The following RANBP2 variants were observed in gnomAD, a reference collection of about 807,000 sequenced individuals.
RANBP2 encodes RAN binding protein 2, also known as E3 SUMO-protein ligase RanBP2.
RANBP2 carries 57 observed loss-of-function variants against 303.6 expected under a neutral mutation model. That is an observed-to-expected ratio of 0.19 (90% confidence interval 0.15 to 0.23). The LOEUF (loss-of-function observed/expected upper bound fraction) is 0.23, where lower values mean the gene tolerates loss of function less well. Ranked by LOEUF, RANBP2 falls within the 10% of genes least tolerant of loss-of-function variation. The pLI is 1.00. For missense variants in RANBP2, 3,138 were observed against 3,780.8 expected, an observed-to-expected ratio of 0.83 and a Z score of 4.46; for synonymous variants, 1,167 against 1,301.5, an observed-to-expected ratio of 0.90 and a Z score of 2.23.
the RANBP2 span, chr2:108,839,067 G>A: frequency 1.8e-6 from 2 of 1,093,714 alleles, no homozygotes; most frequent in Non-Finnish European, 2.5e-6. Context: ...GTTTTTTGTT[G>A]GAGAACTCTT....
chr2:109,613,103 A>C, the RANBP2 span: 1 of 1,046,612 alleles, frequency 9.6e-7, no homozygotes, highest in Non-Finnish European at 1.3e-6. Context: ...CGGTGAGATC[A>C]CTCCATACCA....
the RANBP2 span, among the ~76,000 whole-genome samples, chr2:109,236,347 T>G: frequency 1.3e-5 from 2 of 151,862 alleles, no homozygotes; most frequent in Non-Finnish European, 2.9e-5. Flanking sequence ...GCCTCCAGAG[T>G]GTGCGAGCAT....
chr2:109,660,272 G>T, the RANBP2 span, among the ~76,000 whole-genome samples: 1 of 152,194 alleles, frequency 6.6e-6, no homozygotes, highest in South Asian at 2.1e-4. Flanking sequence ...CAACCAATCA[G>T]GCTGATTGTA....
the RANBP2 span, among the ~76,000 whole-genome samples, chr2:109,729,762 G>A: frequency 3.3e-5 from 5 of 152,280 alleles, no homozygotes; most frequent in African/African-American, 9.6e-5. Context: ...GAAGTGCAGT[G>A]CGGTGGTATA....
At chr2:108,750,825 A>C (rs1473676831) in intron 9 of RANBP2, among the ~76,000 whole-genome samples, 1 of 152,192 alleles carries the variant, frequency 6.6e-6, no homozygotes, top group South Asian at 2.1e-4. Context: ...CTGACTGCGC[A>C]GAACCTTTTC....
At chr2:108,933,575 T>C in the RANBP2 span, among the ~76,000 whole-genome samples, 1 of 152,228 alleles carries the variant, frequency 6.6e-6, no homozygotes, top group Non-Finnish European at 1.5e-5. Context: ...GGAAGAGTTC[T>C]GTTTCCAGAC....
At chr2:109,431,021 C>T in the RANBP2 span, among the ~76,000 whole-genome samples, 1 of 152,192 alleles carries the variant, frequency 6.6e-6, no homozygotes. Context: ...CATATTAAGG[C>T]CAAGAAACTT....
the RANBP2 span, among the ~76,000 whole-genome samples, chr2:109,495,477 C>CTTTTTTTTTTTTTT: frequency 8.5e-5 from 8 of 94,240 alleles, 2 homozygotes; most frequent in African/African-American, 2.3e-4. Context: ...TCTTTCATTC[C>CTTTTTTTTTTTTTT]TTTTTTTTTT....
At chr2:108,769,420 C>T in intron 20 of RANBP2, 3 of 947,916 alleles carry the variant, frequency 3.2e-6, no homozygotes, top group Non-Finnish European at 3.8e-6. Flanking sequence ...ATAACTGTGG[C>T]TGTATGAAAT....
At chr2:109,107,078 C>T in the RANBP2 span, among the ~76,000 whole-genome samples, 3 of 151,720 alleles carry the variant, frequency 2.0e-5, no homozygotes, top group African/African-American at 7.3e-5. Context: ...GCTGGGATTA[C>T]AGGCACCTGC....
the RANBP2 span, among the ~76,000 whole-genome samples, chr2:109,040,399 T>G: frequency 1.3e-5 from 2 of 152,228 alleles, no homozygotes; most frequent in African/African-American, 4.8e-5. Context: ...CTCTCCCACC[T>G]TGTTCATTTT....
At chr2:109,025,807 A>G in the RANBP2 span, among the ~76,000 whole-genome samples, 1 of 149,878 alleles carries the variant, frequency 6.7e-6, no homozygotes, top group Non-Finnish European at 1.5e-5. Context: ...CGAAAAAAAA[A>G]AAAAAAGAAA....
At chr2:108,900,872 AAAC>A in the RANBP2 span, among the ~76,000 whole-genome samples, 39 of 152,340 alleles carry the variant, frequency 2.6e-4, 1 homozygote, top group South Asian at 4.4e-3. Flanking sequence ...AATATGCACC[AAAC>A]AACAGAGCTC....
the RANBP2 span, chr2:108,897,206 A>C: frequency 6.2e-7 from 1 of 1,613,762 alleles, no homozygotes; most frequent in South Asian, 1.1e-5. Flanking sequence ...AGGCAATCAA[A>C]TGGCAGCTCC....
At chr2:109,552,940 A>G in the RANBP2 span, 1 of 891,948 alleles carries the variant, frequency 1.1e-6, no homozygotes, top group Admixed American at 2.6e-5. Flanking sequence ...TTCTAAGTCA[A>G]TATTCAAATA....
the RANBP2 span, among the ~76,000 whole-genome samples, chr2:109,437,516 C>T: frequency 6.6e-6 from 1 of 152,210 alleles, no homozygotes; most frequent in Non-Finnish European, 1.5e-5. Flanking sequence ...AACACCGGCA[C>T]TTTCAAATGC....
chr2:109,033,425 A>G, the RANBP2 span, among the ~76,000 whole-genome samples: 4 of 152,186 alleles, frequency 2.6e-5, no homozygotes, highest in African/African-American at 9.7e-5. Flanking sequence ...AGCCAATCAC[A>G]GAGATGACAA....
At chr2:109,409,659 A>C in the RANBP2 span, among the ~76,000 whole-genome samples, 1 of 152,118 alleles carries the variant, frequency 6.6e-6, no homozygotes. Context: ...CTCCCAGGAC[A>C]GACTCCCTCA....
chr2:109,268,054 C>T, the RANBP2 span, among the ~76,000 whole-genome samples: 1 of 151,644 alleles, frequency 6.6e-6, no homozygotes. Flanking sequence ...AGGGGGTCTT[C>T]CAGACTGTCC....
Sources: allele counts gnomAD v4.1 joint callset (sites outside exome capture counted in the v4.1 genomes callset), GRCh38; gene constraint gnomAD v4.1.1; transcripts MANE v1.5; gene names NCBI Gene and HGNC (gene_info 2026-07-23, HGNC 2026-07-21).